SUPT20HL2: variants seen among roughly 807,000 people sequenced by gnomAD.
The protein encoded by SUPT20HL2 is SUPT20H like 2.
For missense variants in SUPT20HL2, 288 were observed against 127.4 expected, an observed-to-expected ratio of 2.26 and a Z score of -6.07; for synonymous variants, 125 against 51.6, an observed-to-expected ratio of 2.42 and a Z score of -6.10.
Position 24,311,000 on chromosome X carries a change from C to T in SUPT20HL2, c.2316G>A (p.Gln772=). The change falls in exon 1 of 1, where the codon CAG becomes CAA. Residue 772 remains glutamine, a synonymous_variant. Transcript: ENST00000486479. ...CTGGCTGCTGCAGGACTCTCAAAGG[C>T]TGTGTCTGGAGCTGGATCTGCTGTG... ...PQPQQIQLQT[Q]PLRVLQQPVF... 2.6e-6 allele frequency: 1 copy of T among 385,371 alleles called. No homozygotes were observed. The highest frequency in any genetic ancestry group is 2.4e-5 in the South Asian group (1 of 42,304). The allele number at this position is 385,371 out of a possible 1,213,427, so 31.8% of individuals were successfully genotyped here.
Position 24,310,775 on chromosome X carries a change from G to GA in SUPT20HL2, c.*86dup. 4 of 270,395 alleles carry GA rather than the reference G, an allele frequency of 1.5e-5. No homozygotes were observed. Among genetic ancestry groups the GA allele is most frequent in the Admixed American group, 5.2e-5 (1 of 19,383 alleles). The allele number at this position is 270,395 out of a possible 1,213,427, so 22.3% of individuals were successfully genotyped here. On this transcript the variant is annotated 3_prime_UTR_variant, in exon 1 of 1. Transcript: ENST00000486479. ...TAAAATGTAAAATACCAAAACATGAGAAAAAAAACAAAACTCAAGTAAAAA... is the reference window on the plus strand; with the variant it reads ...TAAAATGTAAAATACCAAAACATGAGAAAAAAAAACAAAACTCAAGTAAAAA...
rs1939097074 is a variant in SUPT20HL2, at chrX:24,309,717, G to GAAA, written c.*1142_*1144dup. ...TAAAAAAAAAAATTAAAAAAAAAAA[G>GAAA]AAAAAAATAATAAAAATAAAAAAAA... On this transcript the variant is annotated 3_prime_UTR_variant, in exon 1 of 1. Transcript: ENST00000486479. 1.2e-3 allele frequency among the ~76,000 whole-genome samples: 17 copies of GAAA among 13,815 alleles called. No individual in the cohort carries two copies. Among genetic ancestry groups the GAAA allele is most frequent in the African/African-American group, 5.0e-3 (11 of 2,205 alleles). The allele number at this position is 13,815 out of a possible 115,157, so 12.0% of individuals were successfully genotyped here.
At position 24,312,707 on chromosome X, in the gene SUPT20HL2, C is replaced by G. The variant is rs370938718; in HGVS notation, c.609G>C (p.Ala203=). 1.8e-5 allele frequency: 7 copies of G among 385,027 alleles called. No individual in the cohort carries two copies. Among genetic ancestry groups the G allele is most frequent in the Non-Finnish European group, 3.1e-5 (6 of 192,334 alleles). 31.7% of individuals were successfully genotyped at this position (385,027 alleles called of 1,213,427 possible). A position where few individuals can be genotyped will look rare whatever the true frequency, so the allele number is the denominator to read the frequency against. The change falls in exon 1 of 1, where the codon GCG becomes GCC. Residue 203 remains alanine, a synonymous_variant. Coordinates refer to ENST00000486479, the MANE Select transcript of SUPT20HL2 (RefSeq NM_001136233.3). Reference sequence around the variant, plus strand: ...GATCAAGACACAGTGGTTCAGCTGTCGCTAAGATCAGTTGACTCTCAAGAG... The same window carrying G: ...GATCAAGACACAGTGGTTCAGCTGTGGCTAAGATCAGTTGACTCTCAAGAG... ...KFPLESQLIL[A]TAEPLCLDPS...
chrX:24,309,724 ATAATAAAAATAAAAAAAAAAAG>A lies in SUPT20HL2; in HGVS notation c.*1116_*1137del, dbSNP rs1569195684. The stretch of plus-strand genomic sequence containing the variant: ...AAAAATTAAAAAAAAAAAGAAAAAA[ATAATAAAAATAAAAAAAAAAAG>A]AAAAAAAAAAAAAAAAAAAAAAACA... On this transcript the variant is annotated 3_prime_UTR_variant, in exon 1 of 1. Transcript: ENST00000486479. Among the ~76,000 whole-genome samples the A allele has an allele frequency of 1.1e-4, 5 of 46,119 alleles. No individual in the cohort carries two copies. The highest frequency in any genetic ancestry group is 4.4e-4 in the African/African-American group (3 of 6,839). The allele number at this position is 46,119 out of a possible 115,157, so 40.0% of individuals were successfully genotyped here. A position where few individuals can be genotyped will look rare whatever the true frequency, so the allele number is the denominator to read the frequency against.
In SUPT20HL2 at chrX:24,311,662, C is replaced by G. The variant is rs189357682; in HGVS notation, c.1654G>C (p.Gly552Arg). Residue 552 changes from glycine to arginine, a missense_variant, in exon 1 of 1, where the codon GGG (glycine) becomes CGG (arginine). Gly to Arg is a moderately radical substitution (Grantham distance 125). Transcript: ENST00000486479. Reference protein sequence around the residue: ...IKASRRRPAAGRPTRFVKIAP... With the variant: ...IKASRRRPAARRPTRFVKIAP... ...ATTTTTACGAATCTGGTGGGGCGCC[C>G]GGCAGCTGGACGGCGCCTGCTAGCT... 0.05 allele frequency: 19,008 copies of G among 382,792 alleles called. 1,368 individuals carry two copies. The highest frequency in any genetic ancestry group is 0.29 in the African/African-American group (11,435 of 39,099). The allele number at this position is 382,792 out of a possible 1,213,427, so 31.5% of individuals were successfully genotyped here.
Position 24,312,413 on chromosome X carries a change from G to A in SUPT20HL2, c.903C>T (p.Ala301=), listed in dbSNP as rs1477369291. 5 of 384,840 alleles carry A rather than the reference G, an allele frequency of 1.3e-5. No homozygotes were observed. The highest frequency in any genetic ancestry group is 4.3e-4 in the Middle Eastern group (1 of 2,330). 31.7% of individuals were successfully genotyped at this position (384,840 alleles called of 1,213,427 possible). A position where few individuals can be genotyped will look rare whatever the true frequency, so the allele number is the denominator to read the frequency against. Residue 301 remains alanine (A), a synonymous_variant, in exon 1 of 1, where the codon GCC becomes GCT. Coordinates refer to ENST00000486479, the MANE Select transcript of SUPT20HL2 (RefSeq NM_001136233.3). The stretch of plus-strand genomic sequence containing the variant: ...TCTCCACATCCACTTCTGAAGGCAC[G>A]GCCAAATCACAGGGTCTGCCTTTCC... ...DTWKGRPCDL[A]VPSEVDVEKL... is the part of the protein sequence containing the mutation.
Position 24,311,464 on chromosome X carries a change from C to T in SUPT20HL2, c.1852G>A (p.Gly618Ser), listed in dbSNP as rs1188128845. ...CCGGGCCTTGCATCTGGTAGTGGAC[C>T]TCCTGAGGACTGAAGGCCACTGCCA... Reference protein sequence around the residue: ...ISGSGLQSSGGPLPDARPGAV... With the variant: ...ISGSGLQSSGSPLPDARPGAV... Residue 618 changes from glycine (G) to serine (S), a missense_variant, in exon 1 of 1, where the codon GGT becomes AGT. Transcript: ENST00000486479. 2.6e-6 allele frequency: 1 copy of T among 386,314 alleles called. No individual in the cohort carries two copies. The highest frequency in any genetic ancestry group is 2.5e-5 in the African/African-American group (1 of 39,538). The allele number at this position is 386,314 out of a possible 1,213,427, so 31.8% of individuals were successfully genotyped here. A position where few individuals can be genotyped will look rare whatever the true frequency, so the allele number is the denominator to read the frequency against.
In SUPT20HL2 at chrX:24,309,734, T is replaced by TAAAAAA. The variant is rs1429702092; in HGVS notation, c.*1122_*1127dup. On this transcript the variant is annotated 3_prime_UTR_variant, in exon 1 of 1. Transcript: ENST00000486479. ...AAAAAAAAGAAAAAAATAATAAAAA[T>TAAAAAA]AAAAAAAAAAAGAAAAAAAAAAAAA... Among the ~76,000 whole-genome samples, 8 of 15,706 alleles carry TAAAAAA rather than the reference T, an allele frequency of 5.1e-4. No homozygotes were observed. Among genetic ancestry groups the TAAAAAA allele is most frequent in the African/African-American group, 6.9e-4 (2 of 2,899 alleles). 13.6% of individuals were successfully genotyped at this position (15,706 alleles called of 115,157 possible).
In SUPT20HL2 at chrX:24,311,344, C is replaced by T. The variant is rs1455217633; in HGVS notation, c.1972G>A (p.Ala658Thr). ...TGCTGCTGCGGGCCGGTCAGAACCG[C>T]CCAGCCCTGCGGAACCTGGAGTGTC... Reference protein sequence around the residue: ...PLTLQVPQGWAVLTGPQQQSH... With the variant: ...PLTLQVPQGWTVLTGPQQQSH... Residue 658 changes from alanine to threonine, a missense_variant, in exon 1 of 1, where the codon GCG (alanine) becomes ACG (threonine). Transcript: ENST00000486479. The T allele has an allele frequency of 5.2e-6, 2 of 386,336 alleles. No homozygotes were observed. The highest frequency in any genetic ancestry group is 1.0e-5 in the Non-Finnish European group (2 of 192,521). 31.8% of individuals were successfully genotyped at this position (386,336 alleles called of 1,213,427 possible). A position where few individuals can be genotyped will look rare whatever the true frequency, so the allele number is the denominator to read the frequency against.
chrX:24,311,773 G>GCAGCAGC lies in SUPT20HL2; in HGVS notation c.1542_1543insGCTGCTG (p.Pro515AlafsTer31), dbSNP rs1555929533. 8.9e-6 allele frequency: 3 copies of GCAGCAGC among 337,195 alleles called. No homozygotes were observed. The highest frequency in any genetic ancestry group is 8.1e-5 in the African/African-American group (3 of 37,108). 27.8% of individuals were successfully genotyped at this position (337,195 alleles called of 1,213,427 possible). ...GCCACAGCAGCAGCAGCTAAAGCAG[G>GCAGCAGC]AGCAGCAGCAGGAGCAGGAGCAGGA... is the stretch of plus-strand genomic sequence containing the variant. On this transcript the variant is annotated frameshift_variant, in exon 1 of 1. Coordinates refer to ENST00000486479, the MANE Select transcript of SUPT20HL2 (RefSeq NM_001136233.3). LOFTEE classifies it low-confidence loss of function (END_TRUNC).
rs1182186806 is a variant in SUPT20HL2, at chrX:24,311,373, G to A, written c.1943C>T (p.Pro648Leu). The A allele has an allele frequency of 2.6e-6, 1 of 386,289 alleles. No individual in the cohort carries two copies. Among genetic ancestry groups the A allele is most frequent in the Non-Finnish European group, 5.2e-6 (1 of 192,490 alleles). The allele number at this position is 386,289 out of a possible 1,213,427, so 31.8% of individuals were successfully genotyped here. A position where few individuals can be genotyped will look rare whatever the true frequency, so the allele number is the denominator to read the frequency against. The change falls in exon 1 of 1, where the codon CCT becomes CTT. Residue 648 changes from proline to leucine, a missense_variant. By Grantham distance (98) the Pro-to-Leu change is moderately conservative. Coordinates refer to ENST00000486479, the MANE Select transcript of SUPT20HL2 (RefSeq NM_001136233.3). ...GCCCTGCGGAACCTGGAGTGTCAGA[G>A]GCCTGAGACCTTCCGGAGTATTTAG... ...FFLNTPEGLRPLTLQVPQGWA... is the reference protein window; with the variant it reads ...FFLNTPEGLRLLTLQVPQGWA...
In SUPT20HL2 at chrX:24,309,699, AAAAATTAAAAAAAAAAAG is replaced by A; in HGVS notation, c.*1145_*1162del. ...TAATAAAAAAAAAAAAATTAAAAAA[AAAAATTAAAAAAAAAAAG>A]AAAAAAATAATAAAAATAAAAAAAA... On this transcript the variant is annotated 3_prime_UTR_variant, in exon 1 of 1. Transcript: ENST00000486479. Among the ~76,000 whole-genome samples, 2 of 82,980 alleles carry A rather than the reference AAAAATTAAAAAAAAAAAG, an allele frequency of 2.4e-5. No homozygotes were observed. The highest frequency in any genetic ancestry group is 4.4e-5 in the Non-Finnish European group (2 of 45,895). 72.1% of individuals were successfully genotyped at this position (82,980 alleles called of 115,157 possible).
In SUPT20HL2 at chrX:24,309,734, T is replaced by TAAAAAAAAAAAAA. The variant is rs1429702092; in HGVS notation, c.*1127_*1128insTTTTTTTTTTTTT. On this transcript the variant is annotated 3_prime_UTR_variant, in exon 1 of 1. Transcript: ENST00000486479. ...AAAAAAAAGAAAAAAATAATAAAAA[T>TAAAAAAAAAAAAA]AAAAAAAAAAAGAAAAAAAAAAAAA... 4.5e-4 allele frequency among the ~76,000 whole-genome samples: 7 copies of TAAAAAAAAAAAAA among 15,722 alleles called. No homozygotes were observed. The highest frequency in any genetic ancestry group is 6.7e-4 in the Non-Finnish European group (7 of 10,392). The allele number at this position is 15,722 out of a possible 115,157, so 13.7% of individuals were successfully genotyped here.
chrX:24,312,319 C>T lies in SUPT20HL2; in HGVS notation c.997G>A (p.Val333Ile). ...PQLPVWPAQE[V>I]EDPFRHAWEA... is the part of the protein sequence containing the mutation. ...CATGCATGTCTGAAAGGGTCTTCTA[C>T]CTCCTGGGCTGGCCAGACTGGGAGC... Residue 333 changes from valine to isoleucine, a missense_variant, in exon 1 of 1, where the codon GTA (valine) becomes ATA (isoleucine). Coordinates refer to ENST00000486479, the MANE Select transcript of SUPT20HL2 (RefSeq NM_001136233.3). 1 of 387,270 alleles carries T rather than the reference C, an allele frequency of 2.6e-6. No homozygotes were observed. The highest frequency in any genetic ancestry group is 5.2e-6 in the Non-Finnish European group (1 of 192,594). 31.9% of individuals were successfully genotyped at this position (387,270 alleles called of 1,213,427 possible).
rs764525356 is a variant in SUPT20HL2, at chrX:24,312,917, C to T, written c.399G>A (p.Ser133=). The change falls in exon 1 of 1, where the codon TCG becomes TCA. Residue 133 remains serine (S), a synonymous_variant. Transcript: ENST00000486479. ...PALGDVLDKA[S]VNIFHSGCVI... is the part of the protein sequence containing the mutation. ...CACACCCACTATGAAAAATGTTAACCGAAGCTTTATCCAGGACATCACCCA... is the reference window on the plus strand; with the variant it reads ...CACACCCACTATGAAAAATGTTAACTGAAGCTTTATCCAGGACATCACCCA... The T allele has an allele frequency of 1.8e-4, 68 of 375,547 alleles. No individual in the cohort carries two copies. The highest frequency in any genetic ancestry group is 1.5e-3 in the Admixed American group (56 of 37,963). The allele number at this position is 375,547 out of a possible 1,213,427, so 30.9% of individuals were successfully genotyped here.
rs752234360 is a variant in SUPT20HL2 at position 24,313,271 on chromosome X, G to A, written c.45C>T (p.Ile15=). 3.4e-5 allele frequency: 13 copies of A among 385,355 alleles called. No individual in the cohort carries two copies. The highest frequency in any genetic ancestry group is 2.6e-5 in the Non-Finnish European group (5 of 192,326). 31.8% of individuals were successfully genotyped at this position (385,355 alleles called of 1,213,427 possible). The part of the protein sequence containing the change: ...LEQALDRTEN[I]TEIAQQRRPR... ...GACGTCTCTGTTGGGCAATTTCAGT[G>A]ATATTCTCTGTGCGATCCAGAGCCT... Residue 15 remains isoleucine, a synonymous_variant, in exon 1 of 1, where the codon ATC becomes ATT. Transcript: ENST00000486479.
At position 24,311,809 on chromosome X, in the gene SUPT20HL2, C is replaced by CAGCAGCTACAGCAGG. The variant is rs780213085; in HGVS notation, c.1492_1506dup (p.Pro498_Ala502dup). 1 of 334,014 alleles carries CAGCAGCTACAGCAGG rather than the reference C, an allele frequency of 3.0e-6. No individual in the cohort carries two copies. The allele number at this position is 334,014 out of a possible 1,213,427, so 27.5% of individuals were successfully genotyped here. On this transcript the variant is annotated inframe_insertion, in exon 1 of 1. Transcript: ENST00000486479. ...GGAGCAGGAGCAGGAGCAGGAGCAG[C>CAGCAGCTACAGCAGG]AGCAGCTACAGCAGGAGCAGCAGCA...
rs1569195662 is a variant in SUPT20HL2 at position 24,309,718 on chromosome X, A to AAAAAAG, written c.*1143_*1144insCTTTTT. On this transcript the variant is annotated 3_prime_UTR_variant, in exon 1 of 1. Coordinates refer to ENST00000486479, the MANE Select transcript of SUPT20HL2 (RefSeq NM_001136233.3). ...AAAAAAAAAAATTAAAAAAAAAAAG[A>AAAAAAG]AAAAAATAATAAAAATAAAAAAAAA... 2.4e-4 allele frequency among the ~76,000 whole-genome samples: 17 copies of AAAAAAG among 70,283 alleles called. No individual in the cohort carries two copies. Among genetic ancestry groups the AAAAAAG allele is most frequent in the African/African-American group, 1.2e-3 (15 of 12,713 alleles). The allele number at this position is 70,283 out of a possible 115,157, so 61.0% of individuals were successfully genotyped here. A position where few individuals can be genotyped will look rare whatever the true frequency, so the allele number is the denominator to read the frequency against.
In SUPT20HL2 at chrX:24,313,968, G is replaced by C; in HGVS notation, c.-653C>G. On this transcript the variant is annotated 5_prime_UTR_variant, in exon 1 of 1. Coordinates refer to ENST00000486479, the MANE Select transcript of SUPT20HL2 (RefSeq NM_001136233.3). ...CACCTGCCCAGAAACCTGCCCCCAG[G>C]GAAGCGCTACCCAATCTGTTTGAGG... is the stretch of plus-strand genomic sequence containing the variant. 1 of 362,741 alleles carries C rather than the reference G, an allele frequency of 2.8e-6. No individual in the cohort carries two copies. The highest frequency in any genetic ancestry group is 5.3e-6 in the Non-Finnish European group (1 of 187,952). The allele number at this position is 362,741 out of a possible 1,213,427, so 29.9% of individuals were successfully genotyped here.
Sources: allele counts gnomAD v4.1 joint callset (sites outside exome capture counted in the v4.1 genomes callset), GRCh38; gene constraint gnomAD v4.1.1; transcripts MANE v1.5; gene names NCBI Gene and HGNC (gene_info 2026-07-23, HGNC 2026-07-21).